The following B3GAT2 variants were observed in gnomAD, a reference collection of about 807,000 sequenced individuals.
B3GAT2 encodes beta-1,3-glucuronyltransferase 2.
A neutral mutation model predicts 27.8 loss-of-function variants in B3GAT2; 26 were observed. That is an observed-to-expected ratio of 0.93 (90% CI 0.68 to 1.30). The LOEUF is 1.30. B3GAT2 is among the 50% of genes most tolerant of loss of function. The pLI is 0.00. For synonymous variants in B3GAT2, 218 were observed against 195.1 expected (o/e 1.12, Z -0.98); for missense variants, 458 against 459.0 (o/e 1.00, Z 0.02).
rs1771747401 is a variant in B3GAT2, at chr6:70,861,830, C to CT, written c.884dup (p.Val296GlyfsTer12). ...CGGGCAGCACAAGTGTAATGAATACCTTAGTGCAGTTATTTGCTTTCGGTT... is the reference window on the plus strand; with the variant it reads ...CGGGCAGCACAAGTGTAATGAATACCTTTAGTGCAGTTATTTGCTTTCGGTT... On this transcript the variant is annotated frameshift_variant and splice_region_variant, in exon 3 of 4. Transcript: ENST00000230053. LOFTEE classifies it high-confidence loss of function. 6.2e-7 allele frequency: 1 copy of CT among 1,613,888 alleles called. No individual in the cohort carries two copies. The highest frequency in any genetic ancestry group is 1.3e-5 in the African/African-American group (1 of 74,882).
intron 1 of B3GAT2, among the ~76,000 whole-genome samples, chr6:70,952,717 T>C (rs1260261703): frequency 6.6e-6 from 1 of 152,188 alleles, no homozygotes; most frequent in Non-Finnish European, 1.5e-5. Context: ...CCTTCTCCAA[T>C]GAACAGGCCC....
Position 70,956,113 on chromosome 6 carries a change from C to A in B3GAT2, c.317G>T (p.Arg106Leu), listed in dbSNP as rs1186788828. The A allele has an allele frequency of 1.2e-6, 2 of 1,602,232 alleles. No individual in the cohort carries two copies. Among genetic ancestry groups the A allele is most frequent in the Non-Finnish European group, 1.7e-6 (2 of 1,175,332 alleles). The change falls in exon 1 of 4, where the codon CGC becomes CTC. Residue 106 changes from arginine (R) to leucine (L), a missense_variant. Transcript: ENST00000230053. ...AELTRLANTF[R>L]QVAQLHWILV... is the part of the protein sequence containing the mutation. ...GATCCAGTGCAGCTGCGCCACCTGG[C>A]GGAACGTGTTGGCCAGGCGGGTCAG...
chr6:70,940,716 T>G (rs1765379530), intron 1 of B3GAT2, among the ~76,000 whole-genome samples: 1 of 152,042 alleles, frequency 6.6e-6, no homozygotes, highest in Non-Finnish European at 1.5e-5. Flanking sequence ...TCACCTGAGG[T>G]CAGGAGTTTG....
Position 70,860,657 on chromosome 6 carries a change from G to GTAGT in B3GAT2, c.*1002_*1005dup, listed in dbSNP as rs1329310499. 9.6e-6 allele frequency: 4 copies of GTAGT among 418,440 alleles called. No individual in the cohort carries two copies. In the East Asian group the frequency reaches 1.4e-4, roughly 14 times the overall value. 25.9% of individuals were successfully genotyped at this position (418,440 alleles called of 1,614,324 possible). On this transcript the variant is annotated 3_prime_UTR_variant, in exon 4 of 4. Coordinates refer to ENST00000230053, the MANE Select transcript of B3GAT2 (RefSeq NM_080742.3). ...GCTCTAATGTTTGCATATAAGGGAA[G>GTAGT]TAGTTATCATGTTAGTAATACCTCT...
intron 2 of B3GAT2, among the ~76,000 whole-genome samples, chr6:70,885,147 G>A (rs1190808193): frequency 6.6e-6 from 1 of 152,150 alleles, no homozygotes; most frequent in Non-Finnish European, 1.5e-5. Flanking sequence ...TAGGAAAGTC[G>A]AGGTGGTGAA....
At chr6:70,897,487 A>T (rs1033385947) in intron 1 of B3GAT2, among the ~76,000 whole-genome samples, 4 of 151,922 alleles carry the variant, frequency 2.6e-5, no homozygotes, top group Non-Finnish European at 5.9e-5. Context: ...CTGTAATTCC[A>T]GCACACTTTG....
chr6:70,907,457 G>GAGTCACTA (rs1451449747), intron 1 of B3GAT2, among the ~76,000 whole-genome samples: 2 of 152,164 alleles, frequency 1.3e-5, no homozygotes, highest in African/African-American at 4.8e-5. Context: ...TGACACCACT[G>GAGTCACTA]AGTCACTAAG....
At chr6:70,903,492 A>T (rs1264109693) in intron 1 of B3GAT2, among the ~76,000 whole-genome samples, 1 of 152,172 alleles carries the variant, frequency 6.6e-6, no homozygotes, top group Admixed American at 6.5e-5. Context: ...CAGAATGCAT[A>T]GAACTTCATA....
intron 1 of B3GAT2, among the ~76,000 whole-genome samples, chr6:70,946,047 T>G (rs1339619686): frequency 2.0e-5 from 3 of 152,008 alleles, no homozygotes; most frequent in Admixed American, 2.0e-4. Context: ...CCACCAGGCC[T>G]GCCCTAAAAG....
At chr6:70,948,165 G>A (rs1006249018) in intron 1 of B3GAT2, among the ~76,000 whole-genome samples, 7 of 147,800 alleles carry the variant, frequency 4.7e-5, no homozygotes, top group East Asian at 4.0e-4. Context: ...CTTTGAAAAC[G>A]GGCACAAGAC....
intron 1 of B3GAT2, among the ~76,000 whole-genome samples, chr6:70,954,822 C>T (rs1026957436): frequency 1.3e-5 from 2 of 150,024 alleles, no homozygotes; most frequent in African/African-American, 4.9e-5. Flanking sequence ...ACCCATGCCA[C>T]TCAGTCTCAT....
At chr6:70,885,305 T>G (rs528914983) in intron 2 of B3GAT2, among the ~76,000 whole-genome samples, 4 of 152,322 alleles carry the variant, frequency 2.6e-5, no homozygotes, top group African/African-American at 9.6e-5. Context: ...GGCACTCACA[T>G]GGCACCAAAT....
At chr6:70,921,272 G>A (rs535448808) in intron 1 of B3GAT2, among the ~76,000 whole-genome samples, 46 of 152,146 alleles carry the variant, frequency 3.0e-4, no homozygotes, top group African/African-American at 1.1e-3. Flanking sequence ...CAGTGGTTTT[G>A]TTCACTCTTT....
At chr6:70,930,021 C>A (rs932394112) in intron 1 of B3GAT2, among the ~76,000 whole-genome samples, 5 of 151,988 alleles carry the variant, frequency 3.3e-5, no homozygotes, top group African/African-American at 1.2e-4. Context: ...AGAACAGAGC[C>A]CTCAGAAATA....
intron 1 of B3GAT2, among the ~76,000 whole-genome samples, chr6:70,922,735 CA>C (rs1772890671): frequency 6.6e-6 from 1 of 151,390 alleles, no homozygotes; most frequent in Admixed American, 6.6e-5. Flanking sequence ...GTAGAAAAAT[CA>C]AAGATCTAAG....
At chr6:70,907,677 A>G (rs1479879881) in intron 1 of B3GAT2, among the ~76,000 whole-genome samples, 3 of 152,206 alleles carry the variant, frequency 2.0e-5, no homozygotes, top group Non-Finnish European at 4.4e-5. Flanking sequence ...CCTGGTCCTT[A>G]AAAACAATCT....
At chr6:70,881,240 G>A (rs1341340712) in intron 2 of B3GAT2, among the ~76,000 whole-genome samples, 1 of 152,068 alleles carries the variant, frequency 6.6e-6, no homozygotes, top group Non-Finnish European at 1.5e-5. Context: ...TTATTTACAG[G>A]AATCCTTGCT....
intron 1 of B3GAT2, among the ~76,000 whole-genome samples, chr6:70,951,982 C>T (rs1364305514): frequency 6.6e-6 from 1 of 151,918 alleles, no homozygotes; most frequent in Non-Finnish European, 1.5e-5. Flanking sequence ...TTTCAGGAAA[C>T]ATAAATAGAA....
At chr6:70,911,439 T>C (rs899511753) in intron 1 of B3GAT2, among the ~76,000 whole-genome samples, 3 of 152,198 alleles carry the variant, frequency 2.0e-5, no homozygotes, top group East Asian at 3.8e-4. Context: ...TTGTCAATTT[T>C]GTCAAAGATC....
Sources: gnomAD v4.1 joint callset for allele counts (sites outside exome capture counted in the v4.1 genomes callset) on GRCh38, gnomAD v4.1.1 for gene constraint, MANE v1.5 for transcripts, NCBI Gene and HGNC (gene_info 2026-07-23, HGNC 2026-07-21) for gene names.